The following NLRC5 variants were observed in gnomAD, a reference collection of about 807,000 sequenced individuals.
NLRC5 encodes protein NLRC5.
Under a neutral mutation model 206.9 loss-of-function variants are expected in NLRC5, and 114 were observed. That is an observed-to-expected ratio of 0.55 (90% CI 0.47 to 0.64). NLRC5 has a LOEUF of 0.64. Ranked by LOEUF, NLRC5 falls within the 30% of genes least tolerant of loss-of-function variation. NLRC5 has a pLI of 0.00. For synonymous variants in NLRC5, 952 were observed against 962.8 expected (o/e 0.99, Z 0.21); for missense variants, 2,008 against 2,305.5 (o/e 0.87, Z 2.64).
intron 1 of NLRC5, among the ~76,000 whole-genome samples, chr16:57,002,538 T>C (rs575834384): frequency 6.6e-5 from 10 of 152,328 alleles, no homozygotes; most frequent in African/African-American, 2.4e-4. Context: ...ATAAACATAG[T>C]AGTGCAGATA....
Position 57,067,946 on chromosome 16 carries a change from C to A in NLRC5, c.4499+118C>A, listed in dbSNP as rs1284276686. ...TACTCTGTGTCTTACTCTGTGGACA[C>A]AAACCACAGGTGGCCCTGGAGATGA... is the stretch of plus-strand genomic sequence containing the variant. On this transcript the variant is annotated intron_variant, in intron 36 of 48. Coordinates refer to ENST00000688547, the MANE Select transcript of NLRC5 (RefSeq NM_001384950.1). 1.0e-5 allele frequency: 8 copies of A among 792,686 alleles called. No homozygotes were observed. The African/African-American group carries it at 1.4e-4, about 14-fold the overall frequency. The allele number at this position is 792,686 out of a possible 1,614,324, so 49.1% of individuals were successfully genotyped here. A position where few individuals can be genotyped will look rare whatever the true frequency, so the allele number is the denominator to read the frequency against.
chr16:57,033,624 G>T lies in NLRC5; in HGVS notation c.2498G>T (p.Ser833Ile). ...GCCAGAGCTCCAGACCTGCAGGAAA[G>T]TGACGGCCAGAGGAAAGGGGCTCAG... ...ELQRAPDLQE[S>I]DGQRKGAQSR... Residue 833 changes from serine to isoleucine, a missense_variant, in exon 12 of 49, where the codon AGT becomes ATT. Ser to Ile is a moderately radical substitution (Grantham distance 142). Coordinates refer to ENST00000688547, the MANE Select transcript of NLRC5 (RefSeq NM_001384950.1). 1 of 1,614,170 alleles carries T rather than the reference G, an allele frequency of 6.2e-7. No homozygotes were observed. The highest frequency in any genetic ancestry group is 8.5e-7 in the Non-Finnish European group (1 of 1,180,016).
intron 4 of NLRC5, 84 bp from the exon 5 acceptor site, chr16:57,023,701 A>C (rs559831398): frequency 3.5e-6 from 4 of 1,158,478 alleles, no homozygotes; most frequent in Non-Finnish European, 5.0e-6. Flanking sequence ...CTGTCTGTGG[A>C]CTGGAGTTCC....
In NLRC5 at chr16:57,020,847, C is replaced by T. The variant is rs746312170; in HGVS notation, c.135C>T (p.Asn45=). The part of the protein sequence containing the change: ...FLPNTDLDSR[N]ETLDPEQRVI... ...CCAACACGGACCTGGATTCCAGGAA[C>T]GAGACCTTGGACCCTGAACAGAGAG... Residue 45 remains asparagine, a synonymous_variant, in exon 3 of 49, where the codon AAC becomes AAT. Transcript: ENST00000688547. The T allele has an allele frequency of 2.0e-5, 33 of 1,613,502 alleles. No homozygotes were observed. The African/African-American group carries it at 2.1e-4, about 10-fold the overall frequency.
chr16:57,054,880 G>A, intron 25 of NLRC5, 40 bp downstream of exon 25: 1 of 1,603,232 alleles, frequency 6.2e-7, no homozygotes, highest in East Asian at 2.2e-5. Flanking sequence ...CGTCCTGAAG[G>A]GTTGTGCCTG....
At chr16:57,021,894 G>A (rs1452022348) in intron 3 of NLRC5, among the ~76,000 whole-genome samples, 4 of 152,170 alleles carry the variant, frequency 2.6e-5, no homozygotes, top group South Asian at 4.1e-4. Flanking sequence ...TGCGGGGGGC[G>A]GGGCGGCGCA....
intron 13 of NLRC5, 25 bp downstream of exon 13, chr16:57,034,276 G>C: frequency 7.2e-7 from 1 of 1,396,298 alleles, no homozygotes; most frequent in Non-Finnish European, 9.7e-7. Flanking sequence ...AAGCCCTGGC[G>C]TAGGAGCCAG....
At chr16:57,009,338 A>G (rs146005040) in intron 1 of NLRC5, among the ~76,000 whole-genome samples, 1 of 151,762 alleles carries the variant, frequency 6.6e-6, no homozygotes, top group Non-Finnish European at 1.5e-5. Flanking sequence ...TCATGCCTCT[A>G]ATCACAGCAC....
chr16:56,989,985 T>C (rs2056609654), intron 1 of NLRC5, among the ~76,000 whole-genome samples: 1 of 152,252 alleles, frequency 6.6e-6, no homozygotes, highest in African/African-American at 2.4e-5. Flanking sequence ...CAACTTTTCA[T>C]TGATTTTAAA....
intron 1 of NLRC5, among the ~76,000 whole-genome samples, chr16:56,997,592 G>A (rs1460318219): frequency 1.3e-5 from 2 of 151,868 alleles, no homozygotes; most frequent in Non-Finnish European, 2.9e-5. Context: ...ATTTTATTTC[G>A]AGATGGGGGT....
chr16:56,993,758 T>C (rs1315579129), intron 1 of NLRC5, among the ~76,000 whole-genome samples: 2 of 152,236 alleles, frequency 1.3e-5, no homozygotes, highest in South Asian at 2.1e-4. Flanking sequence ...CACTTTTTTA[T>C]TGGCTTTTGG....
intron 38 of NLRC5, among the ~76,000 whole-genome samples, chr16:57,070,965 A>G (rs79616043): frequency 0.48 from 28,700 of 59,834 alleles, 5,578 homozygotes; most frequent in Middle Eastern, 0.62. Context: ...ATGGGGAAGG[A>G]GATGAGTGAG....
intron 26 of NLRC5, 126 bp from the exon 27 acceptor site, chr16:57,055,307 A>T: frequency 1.0e-6 from 1 of 961,900 alleles, no homozygotes. Flanking sequence ...GGACACTTCC[A>T]GAGGGTCCAA....
In NLRC5 at chr16:57,080,919, G is replaced by A. The variant is rs150611578; in HGVS notation, c.5322-179G>A. On this transcript the variant is annotated intron_variant, in intron 46 of 48. Transcript: ENST00000688547. ...AACTTGACGGGGAGGGGAGCAGGGA[G>A]GAAGGTAACCTGCACCCTGACGTCT... 2.1e-4 allele frequency: 119 copies of A among 570,012 alleles called. 2 individuals are homozygous for A. The highest frequency in any genetic ancestry group is 1.8e-3 in the African/African-American group (93 of 52,950). The allele number at this position is 570,012 out of a possible 1,614,324, so 35.3% of individuals were successfully genotyped here. A position where few individuals can be genotyped will look rare whatever the true frequency, so the allele number is the denominator to read the frequency against.
intron 11 of NLRC5, 117 bp from the exon 12 acceptor site, chr16:57,033,487 C>CGA: frequency 1.1e-6 from 1 of 885,910 alleles, no homozygotes; most frequent in Non-Finnish European, 1.9e-6. Context: ...CCTTTGTTAC[C>CGA]GACTCACTTT....
intron 33 of NLRC5, among the ~76,000 whole-genome samples, chr16:57,065,587 C>A (rs531478280): frequency 6.6e-6 from 1 of 152,100 alleles, no homozygotes; most frequent in African/African-American, 2.4e-5. Context: ...TTGGAAGTGG[C>A]CCCCCAGATG....
At chr16:57,044,297 T>C (rs1340869377) in intron 20 of NLRC5, among the ~76,000 whole-genome samples, 9 of 137,642 alleles carry the variant, frequency 6.5e-5, no homozygotes, top group Admixed American at 1.4e-4. Flanking sequence ...AGAGTGAGAC[T>C]CCATCTCAAA....
chr16:57,018,791 T>C (rs1294042733), intron 2 of NLRC5, among the ~76,000 whole-genome samples: 1 of 152,144 alleles, frequency 6.6e-6, no homozygotes, highest in Non-Finnish European at 1.5e-5. Context: ...TGTACTGCTA[T>C]GAGGAAGGAC....
Position 57,029,779 on chromosome 16 carries a change from G to A in NLRC5, c.2250G>A (p.Arg750=), listed in dbSNP as rs1038237837. The change falls in exon 9 of 49, where the codon CGG becomes CGA. Residue 750 remains arginine (R), a synonymous_variant. Transcript: ENST00000688547. ...GGCCTTGGTCTCCTCGCAGTTTTCG[G>A]GACAACCAGCTCAGTGACCAGGTGG... ...LCPQLKEVSF[R]DNQLSDQVVL... 1 of 1,614,100 alleles carries A rather than the reference G, an allele frequency of 6.2e-7. No individual in the cohort carries two copies. Among genetic ancestry groups the A allele is most frequent in the Non-Finnish European group, 8.5e-7 (1 of 1,179,998 alleles).
Sources: allele counts gnomAD v4.1 joint callset (sites outside exome capture counted in the v4.1 genomes callset), GRCh38; gene constraint gnomAD v4.1.1; transcripts MANE v1.5; gene names NCBI Gene and HGNC (gene_info 2026-07-23, HGNC 2026-07-21).